ECHDC3: variants seen among roughly 807,000 people sequenced by gnomAD.
The protein encoded by ECHDC3 is enoyl-CoA hydratase domain-containing protein 3, mitochondrial.
Under a neutral mutation model 17.9 loss-of-function variants are expected in ECHDC3, and 20 were observed. The ratio of observed to expected loss-of-function variants is 1.12; its 90% CI spans 0.79 to 1.63. The LOEUF is 1.63. Ranked by LOEUF, ECHDC3 falls within the 40% of genes most tolerant of loss-of-function variation. The probability of loss-of-function intolerance (pLI) is 0.00; values close to 1 mark genes in which losing one functional copy is unlikely to be tolerated. For missense variants in ECHDC3, 407 were observed against 357.7 expected, an observed-to-expected ratio of 1.14 and a Z score of -1.11; for synonymous variants, 177 against 149.7, an observed-to-expected ratio of 1.18 and a Z score of -1.33.
Position 11,763,606 on chromosome 10 carries a change from A to G in ECHDC3, c.*62A>G. ...AGGAGCCCACCTTCCCCTCTGGCCC[A>G]GCCACCACTGCCTCTCAGCTTCAAC... On this transcript the variant is annotated 3_prime_UTR_variant, in exon 5 of 5. Coordinates refer to ENST00000379215, the MANE Select transcript of ECHDC3 (RefSeq NM_024693.5). This position sits in a 1 kb window ranked among gnomAD's most constrained non-coding sequence, Gnocchi z 4.9. 1 of 1,440,446 alleles carries G rather than the reference A, an allele frequency of 6.9e-7. No homozygotes were observed. Among genetic ancestry groups the G allele is most frequent in the South Asian group, 1.5e-5 (1 of 67,944 alleles). 89.2% of individuals were successfully genotyped at this position (1,440,446 alleles called of 1,614,324 possible).
chr10:11,756,697 G>A (rs1021297498), intron 4 of ECHDC3, among the ~76,000 whole-genome samples: 3 of 152,084 alleles, frequency 2.0e-5, no homozygotes, highest in Non-Finnish European at 4.4e-5. Flanking sequence ...TTCAGACTAA[G>A]AGGATGTTTT....
At position 11,742,382 on chromosome 10, in the gene ECHDC3, G is replaced by A. The variant is rs1339419347; in HGVS notation, c.-195G>A. On this transcript the variant is annotated 5_prime_UTR_variant, in exon 1 of 5. Transcript: ENST00000379215. ...GGGGCGGGGCGTGCCGGGGCGGGGC[G>A]TAGTACGGACTGGGCCTGGCCTGGG... The A allele has an allele frequency of 8.2e-6, 3 of 365,276 alleles. No individual in the cohort carries two copies. Among genetic ancestry groups the A allele is most frequent in the Non-Finnish European group, 9.0e-6 (2 of 221,940 alleles). The allele number at this position is 365,276 out of a possible 1,614,324, so 22.6% of individuals were successfully genotyped here. A position where few individuals can be genotyped will look rare whatever the true frequency, so the allele number is the denominator to read the frequency against.
At chr10:11,756,579 G>T (rs1014928193) in intron 4 of ECHDC3, among the ~76,000 whole-genome samples, 1 of 152,216 alleles carries the variant, frequency 6.6e-6, no homozygotes, top group African/African-American at 2.4e-5. Flanking sequence ...GCAGAAATGT[G>T]TGTTTGTGGG....
intron 4 of ECHDC3, among the ~76,000 whole-genome samples, chr10:11,757,711 G>A (rs941221227): frequency 2.0e-5 from 3 of 152,166 alleles, no homozygotes; most frequent in South Asian, 4.1e-4. Context: ...CATGACTCAG[G>A]AACATGGCTT....
chr10:11,744,853 G>C (rs1404664746), intron 1 of ECHDC3, among the ~76,000 whole-genome samples: 1 of 152,202 alleles, frequency 6.6e-6, no homozygotes, highest in African/African-American at 2.4e-5. Context: ...CCTAGATGGA[G>C]AAGGCCAGTA....
At position 11,742,529 on chromosome 10, in the gene ECHDC3, G is replaced by A. The variant is rs1397155036; in HGVS notation, c.-48G>A. Reference sequence around the variant, plus strand: ...CGCCCTCGGAGCGCCCAGCACCTGCGGCCGGCCAGGCAGCGCGATCCTGCG... The same window carrying A: ...CGCCCTCGGAGCGCCCAGCACCTGCAGCCGGCCAGGCAGCGCGATCCTGCG... On this transcript the variant is annotated 5_prime_UTR_variant, in exon 1 of 5. Transcript: ENST00000379215. The A allele has an allele frequency of 1.1e-5, 14 of 1,255,754 alleles. 1 individual carries two copies. In the African/African-American group the frequency reaches 1.6e-4, roughly 14 times the overall value. The allele number at this position is 1,255,754 out of a possible 1,614,324, so 77.8% of individuals were successfully genotyped here. A position where few individuals can be genotyped will look rare whatever the true frequency, so the allele number is the denominator to read the frequency against.
Position 11,742,517 on chromosome 10 carries a change from C to T in ECHDC3, c.-60C>T, listed in dbSNP as rs1416894072. On this transcript the variant is annotated 5_prime_UTR_variant, in exon 1 of 5. Transcript: ENST00000379215. ...TGCTCACAGCAGCGCCCTCGGAGCG[C>T]CCAGCACCTGCGGCCGGCCAGGCAG... is the stretch of plus-strand genomic sequence containing the variant. The T allele has an allele frequency of 5.6e-6, 7 of 1,252,966 alleles. No individual in the cohort carries two copies. The highest frequency in any genetic ancestry group is 2.8e-5 in the South Asian group (1 of 35,552). 77.6% of individuals were successfully genotyped at this position (1,252,966 alleles called of 1,614,324 possible).
intron 4 of ECHDC3, among the ~76,000 whole-genome samples, chr10:11,757,211 C>T (rs1832894059): frequency 6.6e-6 from 1 of 152,202 alleles, no homozygotes; most frequent in African/African-American, 2.4e-5. Context: ...GAAGGTTCCA[C>T]AGTAAAGCAC....
At position 11,755,583 on chromosome 10, in the gene ECHDC3, C is replaced by T. The variant is rs1832877937; in HGVS notation, c.566C>T (p.Ala189Val). 1 of 1,613,536 alleles carries T rather than the reference C, an allele frequency of 6.2e-7. No individual in the cohort carries two copies. Among genetic ancestry groups the T allele is most frequent in the South Asian group, 1.1e-5 (1 of 90,938 alleles). ...CTCTTCTGTTCTACCCCTGGGGTTGCCTTGGCAAGAGCAGTGCCTAGAAAG... is the reference window on the plus strand; with the variant it reads ...CTCTTCTGTTCTACCCCTGGGGTTGTCTTGGCAAGAGCAGTGCCTAGAAAG... ...VGLFCSTPGV[A>V]LARAVPRKVA... Residue 189 changes from alanine to valine, a missense_variant, in exon 4 of 5, where the codon GCC becomes GTC. Coordinates refer to ENST00000379215, the MANE Select transcript of ECHDC3 (RefSeq NM_024693.5).
At position 11,742,683 on chromosome 10, in the gene ECHDC3, C is replaced by T. The variant is rs1056415970; in HGVS notation, c.107C>T (p.Ala36Val). Residue 36 changes from alanine (A) to valine (V), a missense_variant, in exon 1 of 5, where the codon GCC becomes GTC. Transcript: ENST00000379215. ...GCCCGCTTCTGCAGCCGGGACCCGG[C>T]CGGGGCGGGGCGGCGGGAGTCGGAG... ...LPARFCSRDP[A>V]GAGRRESEPR... 1 of 1,245,220 alleles carries T rather than the reference C, an allele frequency of 8.0e-7. No individual in the cohort carries two copies. The highest frequency in any genetic ancestry group is 3.3e-5 in the South Asian group (1 of 29,946). The allele number at this position is 1,245,220 out of a possible 1,614,324, so 77.1% of individuals were successfully genotyped here.
chr10:11,756,961 C>CT (rs1304368840), intron 4 of ECHDC3, among the ~76,000 whole-genome samples: 1 of 152,200 alleles, frequency 6.6e-6, no homozygotes, highest in Non-Finnish European at 1.5e-5. Flanking sequence ...CCTCAAACTC[C>CT]TGACCTCAAG....
chr10:11,753,115 T>G (rs1184335259), intron 3 of ECHDC3, among the ~76,000 whole-genome samples: 3 of 152,210 alleles, frequency 2.0e-5, no homozygotes, highest in African/African-American at 4.8e-5. Flanking sequence ...TCACAGTGGC[T>G]CACATCTGTA....
At chr10:11,762,914 T>C (rs947107690) in intron 4 of ECHDC3, among the ~76,000 whole-genome samples, 3 of 151,938 alleles carry the variant, frequency 2.0e-5, no homozygotes, top group Non-Finnish European at 2.9e-5. Flanking sequence ...TCCCATCTGA[T>C]GTGGCTGCCG....
chr10:11,763,871 A>G lies in ECHDC3; in HGVS notation c.*327A>G. The G allele has an allele frequency of 9.3e-7, 1 of 1,078,484 alleles. No homozygotes were observed. The highest frequency in any genetic ancestry group is 1.1e-6 in the Non-Finnish European group (1 of 889,336). The allele number at this position is 1,078,484 out of a possible 1,614,324, so 66.8% of individuals were successfully genotyped here. On this transcript the variant is annotated 3_prime_UTR_variant, in exon 5 of 5. Coordinates refer to ENST00000379215, the MANE Select transcript of ECHDC3 (RefSeq NM_024693.5). This position sits in a 1 kb window ranked among gnomAD's most constrained non-coding sequence, Gnocchi z 4.9. ...GCAAAAGGTGGCAACCCATGGAGGCAGAAAGAAGGACGCCAGCCTGACCCT... is the reference window on the plus strand; with the variant it reads ...GCAAAAGGTGGCAACCCATGGAGGCGGAAAGAAGGACGCCAGCCTGACCCT...
At position 11,763,223 on chromosome 10, in the gene ECHDC3, G is replaced by C; in HGVS notation, c.592-1G>C. Reference sequence around the variant, plus strand: ...CAGTGACATCCCGTGTCTCCCCGTAGGTGGCCTTGGAGATGCTCTTTACTG... The same window carrying C: ...CAGTGACATCCCGTGTCTCCCCGTACGTGGCCTTGGAGATGCTCTTTACTG... On this transcript the variant is annotated splice_acceptor_variant, in intron 4 of 4. Coordinates refer to ENST00000379215, the MANE Select transcript of ECHDC3 (RefSeq NM_024693.5). LOFTEE classifies it high-confidence loss of function. This position sits in a 1 kb window ranked among gnomAD's most constrained non-coding sequence, Gnocchi z 4.9. 1 of 773,556 alleles carries C rather than the reference G, an allele frequency of 1.3e-6. No homozygotes were observed. Among genetic ancestry groups the C allele is most frequent in the Non-Finnish European group, 2.4e-6 (1 of 415,020 alleles). The allele number at this position is 773,556 out of a possible 1,614,324, so 47.9% of individuals were successfully genotyped here. A position where few individuals can be genotyped will look rare whatever the true frequency, so the allele number is the denominator to read the frequency against.
intron 3 of ECHDC3, among the ~76,000 whole-genome samples, chr10:11,753,558 T>C (rs1485456752): frequency 1.3e-5 from 2 of 152,166 alleles, no homozygotes; most frequent in African/African-American, 4.8e-5. Flanking sequence ...CCTTGGGTGG[T>C]GCAACAACAC....
intron 2 of ECHDC3, among the ~76,000 whole-genome samples, chr10:11,749,274 A>G (rs892381818): frequency 6.6e-6 from 1 of 152,210 alleles, no homozygotes; most frequent in African/African-American, 2.4e-5. Flanking sequence ...ATTTTAGGAC[A>G]CGGAGGCACC....
chr10:11,760,666 G>T (rs532296227), intron 4 of ECHDC3, among the ~76,000 whole-genome samples: 22 of 152,158 alleles, frequency 1.4e-4, no homozygotes, highest in South Asian at 2.1e-4. Context: ...CCCAAGAGCC[G>T]CCTGTGTCAG....
At chr10:11,742,829 G>A in intron 1 of ECHDC3, 83 bp downstream of exon 1, 1 of 1,211,308 alleles carries the variant, frequency 8.3e-7, no homozygotes, top group Non-Finnish European at 1.0e-6. Flanking sequence ...AGGACCCGGG[G>A]AACCGGAGCC....
Sources: allele counts gnomAD v4.1 joint callset (sites outside exome capture counted in the v4.1 genomes callset), GRCh38; gene constraint gnomAD v4.1.1; non-coding constraint Gnocchi (gnomAD v3.1); transcripts MANE v1.5; gene names NCBI Gene and HGNC (gene_info 2026-07-23, HGNC 2026-07-21).